Variants in KCNIP4 observed in about 807,000 individuals in gnomAD.
KCNIP4 encodes Kv channel-interacting protein 4.
A neutral mutation model predicts 34.0 loss-of-function variants in KCNIP4; 12 were observed. That is an observed-to-expected ratio of 0.35 (90% CI 0.23 to 0.57). KCNIP4 has a LOEUF of 0.57. Ranked by LOEUF, KCNIP4 falls within the 20% of genes least tolerant of loss-of-function variation. KCNIP4 has a pLI of 0.83. For missense variants in KCNIP4, 238 were observed against 311.7 expected (o/e 0.76, Z 1.78); for synonymous variants, 124 against 102.2 (o/e 1.21, Z -1.29).
At chr4:20,921,324 T>G (rs1577369980) in intron 1 of KCNIP4, among the ~76,000 whole-genome samples, 1 of 152,290 alleles carries the variant, frequency 6.6e-6, no homozygotes, top group East Asian at 1.9e-4. Context: ...ATTTGCAATT[T>G]TTGAATCAAA....
In KCNIP4 at chr4:21,110,638, T is replaced by A. The variant is rs75912717; in HGVS notation, c.62-227929A>T. ...GTTGTTGTTGTGTGTTTGTTTGTTT[T>A]TTGTTAAAACCTAATCCCTAATTTG... is the stretch of plus-strand genomic sequence containing the variant. On this transcript the variant is annotated intron_variant, in intron 1 of 8. Transcript: ENST00000382152. Among the ~76,000 whole-genome samples the A allele has an allele frequency of 6.5e-3, 994 of 152,340 alleles. 9 individuals are homozygous for A. Among genetic ancestry groups the A allele is most frequent in the African/African-American group, 0.022 (928 of 41,574 alleles).
intron 1 of KCNIP4, among the ~76,000 whole-genome samples, chr4:21,320,964 T>TTAAAA (rs1553860312): frequency 2.9e-5 from 3 of 102,904 alleles, no homozygotes; most frequent in South Asian, 3.2e-4. Context: ...GAATCTGTCT[T>TTAAAA]AAAAAAAAAA....
At chr4:21,052,851 C>T (rs1017516664) in intron 1 of KCNIP4, among the ~76,000 whole-genome samples, 10 of 151,992 alleles carry the variant, frequency 6.6e-5, no homozygotes, top group African/African-American at 2.2e-4. Context: ...GTGCTAGTGT[C>T]TGGGGCTGGA....
chr4:21,797,128 T>C (rs1720677350), intron 1 of KCNIP4, among the ~76,000 whole-genome samples: 1 of 152,224 alleles, frequency 6.6e-6, no homozygotes, highest in Non-Finnish European at 1.5e-5. Context: ...CATCTATGCC[T>C]GTCTGCCTCA....
chr4:21,271,675 C>T (rs113165406), intron 1 of KCNIP4, among the ~76,000 whole-genome samples: 1,634 of 152,186 alleles, frequency 0.011, 26 homozygotes, highest in African/African-American at 0.036. Context: ...TGCTTTGGGG[C>T]TACACTTCCA....
At chr4:21,335,557 T>C (rs748376758) in intron 1 of KCNIP4, among the ~76,000 whole-genome samples, 6 of 152,238 alleles carry the variant, frequency 3.9e-5, no homozygotes, top group African/African-American at 7.2e-5. Flanking sequence ...TCTGTCCACA[T>C]TTTGCTAAGG....
intron 1 of KCNIP4, among the ~76,000 whole-genome samples, chr4:21,355,919 C>A (rs1259037546): frequency 6.6e-6 from 1 of 152,158 alleles, no homozygotes; most frequent in South Asian, 2.1e-4. Flanking sequence ...TACTGGCAAA[C>A]CGAATCCAGC....
At chr4:21,736,239 C>T (rs1383254924) in intron 1 of KCNIP4, among the ~76,000 whole-genome samples, 1 of 152,126 alleles carries the variant, frequency 6.6e-6, no homozygotes, top group Non-Finnish European at 1.5e-5. Context: ...TTACTCATCA[C>T]TCCAGCATGG....
chr4:21,045,350 C>T (rs993219941), intron 1 of KCNIP4, among the ~76,000 whole-genome samples: 1 of 152,174 alleles, frequency 6.6e-6, no homozygotes, highest in Non-Finnish European at 1.5e-5. Context: ...CTAACAGGCT[C>T]CCAGATGATG....
At chr4:21,228,361 T>G (rs529801085) in intron 1 of KCNIP4, among the ~76,000 whole-genome samples, 1 of 152,304 alleles carries the variant, frequency 6.6e-6, no homozygotes, top group East Asian at 1.9e-4. Context: ...TCTGCCATGA[T>G]TGTAAGTTTC....
At chr4:21,222,232 A>T (rs977315669) in intron 1 of KCNIP4, among the ~76,000 whole-genome samples, 3 of 152,184 alleles carry the variant, frequency 2.0e-5, no homozygotes, top group Admixed American at 1.3e-4. Context: ...GTTGTATTTT[A>T]GAGTGTTGAT....
At chr4:21,368,730 T>C (rs1720046532) in intron 1 of KCNIP4, among the ~76,000 whole-genome samples, 1 of 147,506 alleles carries the variant, frequency 6.8e-6, no homozygotes, top group Non-Finnish European at 1.5e-5. Flanking sequence ...CCTCATATAG[T>C]ATCAATTTAA....
chr4:20,941,427 C>G (rs1170144835), intron 1 of KCNIP4, among the ~76,000 whole-genome samples: 1 of 152,140 alleles, frequency 6.6e-6, no homozygotes, highest in Non-Finnish European at 1.5e-5. Context: ...TTTTCTGCTT[C>G]TTAATAGAAA....
At chr4:20,804,939 C>A (rs1440412873) in intron 3 of KCNIP4, among the ~76,000 whole-genome samples, 1 of 152,088 alleles carries the variant, frequency 6.6e-6, no homozygotes, top group African/African-American at 2.4e-5. Context: ...AATTCTAGAG[C>A]CTCATAAATG....
chr4:21,442,839 T>C (rs1272507674), intron 1 of KCNIP4, among the ~76,000 whole-genome samples: 3 of 152,188 alleles, frequency 2.0e-5, no homozygotes, highest in Non-Finnish European at 4.4e-5. Flanking sequence ...CTCTATGTTA[T>C]GGACAGCTAA....
intron 8 of KCNIP4, 152 bp downstream of exon 8, chr4:20,731,854 T>A (rs919769190): frequency 2.1e-6 from 3 of 1,407,460 alleles, no homozygotes; most frequent in Non-Finnish European, 2.8e-6. Flanking sequence ...GTGCTTGTTT[T>A]CAGAGTGGTA....
chr4:21,849,140 T>C (rs1724214356), intron 1 of KCNIP4: 1 of 152,166 alleles, frequency 6.6e-6, no homozygotes, highest in African/African-American at 2.4e-5. Flanking sequence ...AAAATATTCA[T>C]TTCTAATGAA....
At chr4:20,939,743 C>T (rs1303942063) in intron 1 of KCNIP4, among the ~76,000 whole-genome samples, 2 of 152,144 alleles carry the variant, frequency 1.3e-5, no homozygotes, top group African/African-American at 4.8e-5. Context: ...ATACCACTTT[C>T]TTACCCAGTC....
intron 3 of KCNIP4, among the ~76,000 whole-genome samples, chr4:20,813,718 A>T (rs1434129443): frequency 6.6e-6 from 1 of 152,214 alleles, no homozygotes; most frequent in Non-Finnish European, 1.5e-5. Context: ...TTTTAAAATC[A>T]GCAAGATGTA....
Sources: gnomAD v4.1 joint callset for allele counts (sites outside exome capture counted in the v4.1 genomes callset) on GRCh38, gnomAD v4.1.1 for gene constraint, MANE v1.5 for transcripts, NCBI Gene and HGNC (gene_info 2026-07-23, HGNC 2026-07-21) for gene names.